The following RIMS2 variants were observed in gnomAD, a reference collection of about 807,000 sequenced individuals.
RIMS2 encodes regulating synaptic membrane exocytosis protein 2.
Under a neutral mutation model 174.4 loss-of-function variants are expected in RIMS2, and 59 were observed. The ratio of observed to expected loss-of-function variants is 0.34; its 90% confidence interval spans 0.27 to 0.42. RIMS2 has a LOEUF of 0.42. Among genes scored for constraint, RIMS2 ranks in the 10% least tolerant of loss-of-function variants. The probability of loss-of-function intolerance (pLI) is 1.00; values close to 1 mark genes in which losing one functional copy is unlikely to be tolerated. For missense variants in RIMS2, 1,620 were observed against 1,666.3 expected, an observed-to-expected ratio of 0.97 and a Z score of 0.48; for synonymous variants, 606 against 572.5, an observed-to-expected ratio of 1.06 and a Z score of -0.84.
At chr8:104,225,909 CT>C (rs1394920689) in intron 19 of RIMS2, among the ~76,000 whole-genome samples, 1 of 152,104 alleles carries the variant, frequency 6.6e-6, no homozygotes, top group Non-Finnish European at 1.5e-5. Flanking sequence ...TAACTTTTTT[CT>C]TTGATTTTGC....
intron 2 of RIMS2, among the ~76,000 whole-genome samples, chr8:103,757,812 C>T (rs1346361293): frequency 6.6e-6 from 1 of 152,090 alleles, no homozygotes. Flanking sequence ...AGAGAGAGTT[C>T]GAAGATGCTG....
At chr8:103,603,434 T>C (rs1255077308) in intron 1 of RIMS2, among the ~76,000 whole-genome samples, 2 of 148,712 alleles carry the variant, frequency 1.3e-5, no homozygotes, top group African/African-American at 5.0e-5. Context: ...TCTTTGCTAT[T>C]GTGAATAATG....
At chr8:103,722,437 G>T (rs1269115089) in intron 2 of RIMS2, among the ~76,000 whole-genome samples, 1 of 151,998 alleles carries the variant, frequency 6.6e-6, no homozygotes, top group Non-Finnish European at 1.5e-5. Flanking sequence ...GTTCCATCTG[G>T]GGTTGATGGG....
In RIMS2 at chr8:103,834,663, G is replaced by T. The variant is rs141144575; in HGVS notation, c.699-50635G>T. On this transcript the variant is annotated intron_variant, in intron 3 of 23. Transcript: ENST00000504942. ...TTCCTCAGGTTTTTCAAGCCAGCAAGCCTCTGAGGTCTTTTTCTTTCTTTC... is the reference window on the plus strand; with the variant it reads ...TTCCTCAGGTTTTTCAAGCCAGCAATCCTCTGAGGTCTTTTTCTTTCTTTC... Among the ~76,000 whole-genome samples the T allele has an allele frequency of 4.4e-4, 62 of 139,504 alleles. No individual in the cohort carries two copies. In the East Asian group the frequency reaches 0.012, roughly 27 times the overall value. The allele number at this position is 139,504 out of a possible 152,430, so 91.5% of individuals were successfully genotyped here.
intron 19 of RIMS2, among the ~76,000 whole-genome samples, chr8:104,031,909 A>G (rs1038202078): frequency 5.3e-5 from 8 of 151,376 alleles, no homozygotes; most frequent in African/African-American, 1.9e-4. Flanking sequence ...TTCCATTTAG[A>G]TTAGTGTGGT....
rs529864829 is a variant in RIMS2 at position 104,239,342 on chromosome 8, T to A, written c.3335-5574T>A. ...GGGCAGAATAACGAGGACACCTGTG[T>A]TCTTCCTTCTGCCTGTGATGTTTTG... On this transcript the variant is annotated intron_variant, in intron 19 of 23. Transcript: ENST00000504942. Among the ~76,000 whole-genome samples the A allele has an allele frequency of 2.6e-5, 4 of 152,284 alleles. No homozygotes were observed. The East Asian group carries it at 7.7e-4, about 29-fold the overall frequency.
chr8:103,985,150 T>A (rs760730643), intron 16 of RIMS2, among the ~76,000 whole-genome samples: 16 of 152,092 alleles, frequency 1.1e-4, no homozygotes, highest in Admixed American at 4.6e-4. Flanking sequence ...ATAGTCAAAA[T>A]AATTTAATTG....
chr8:103,625,357 T>C (rs2095756828), intron 1 of RIMS2, among the ~76,000 whole-genome samples: 1 of 152,156 alleles, frequency 6.6e-6, no homozygotes, highest in Non-Finnish European at 1.5e-5. Flanking sequence ...GTTCACATTC[T>C]GGTTGAAGAG....
chr8:104,014,539 C>G, exon 19 of RIMS2: 1 of 1,612,454 alleles, frequency 6.2e-7, no homozygotes, highest in East Asian at 2.2e-5. Context: ...TCCAGACAAG[C>G]CCATCAAGTA....
intron 19 of RIMS2, among the ~76,000 whole-genome samples, chr8:104,209,687 T>C (rs1391810160): frequency 1.3e-5 from 2 of 152,214 alleles, no homozygotes; most frequent in Non-Finnish European, 2.9e-5. Context: ...CCTGAAGTAC[T>C]TAAGATAGTA....
chr8:103,792,236 G>A (rs1237334979), intron 3 of RIMS2, among the ~76,000 whole-genome samples: 3 of 152,278 alleles, frequency 2.0e-5, no homozygotes, highest in Admixed American at 6.5e-5. Flanking sequence ...AGACCACAGT[G>A]CAATCAAATT....
intron 2 of RIMS2, among the ~76,000 whole-genome samples, chr8:103,765,789 T>C (rs1268698970): frequency 1.3e-5 from 2 of 152,168 alleles, no homozygotes; most frequent in Non-Finnish European, 2.9e-5. Flanking sequence ...TTATCATCTT[T>C]ATTTCCCTAT....
At chr8:104,204,438 G>C (rs1269337117) in intron 19 of RIMS2, among the ~76,000 whole-genome samples, 1 of 152,122 alleles carries the variant, frequency 6.6e-6, no homozygotes. Flanking sequence ...TGTTATTTTA[G>C]TGTGTAGTAT....
chr8:104,224,355 T>G (rs943374711), intron 19 of RIMS2, among the ~76,000 whole-genome samples: 2 of 152,206 alleles, frequency 1.3e-5, no homozygotes, highest in African/African-American at 4.8e-5. Flanking sequence ...ATTAAGCTAA[T>G]GAAAAACACG....
At chr8:103,749,745 C>CT (rs754044590) in intron 2 of RIMS2, among the ~76,000 whole-genome samples, 2 of 152,026 alleles carry the variant, frequency 1.3e-5, no homozygotes, top group Admixed American at 1.3e-4. Flanking sequence ...ATTTTCAGGC[C>CT]TTTTTTTGTG....
intron 2 of RIMS2, among the ~76,000 whole-genome samples, chr8:103,758,156 C>T (rs2098052609): frequency 6.6e-6 from 1 of 151,890 alleles, no homozygotes; most frequent in African/African-American, 2.4e-5. Flanking sequence ...CTATCTAGGA[C>T]CTCCTGTCTT....
intron 19 of RIMS2, among the ~76,000 whole-genome samples, chr8:104,127,494 T>C (rs2098441330): frequency 1.3e-5 from 2 of 152,182 alleles, no homozygotes; most frequent in African/African-American, 4.8e-5. Context: ...GTATATAGCA[T>C]TGTGTTAAGA....
At chr8:103,563,676 C>T (rs1435812635) in intron 1 of RIMS2, among the ~76,000 whole-genome samples, 1 of 152,166 alleles carries the variant, frequency 6.6e-6, no homozygotes, top group African/African-American at 2.4e-5. Context: ...TTCAGTAGCA[C>T]CCCACTCCTG....
intron 19 of RIMS2, among the ~76,000 whole-genome samples, chr8:104,110,550 CAT>C (rs1231616303): frequency 1.3e-5 from 2 of 152,232 alleles, no homozygotes; most frequent in South Asian, 2.1e-4. Context: ...TTATTTTGCA[CAT>C]GAGTCCCATG....
Sources: allele counts gnomAD v4.1 joint callset (sites outside exome capture counted in the v4.1 genomes callset), GRCh38; gene constraint gnomAD v4.1.1; transcripts MANE v1.5; gene names NCBI Gene and HGNC (gene_info 2026-07-23, HGNC 2026-07-21).